Variants in RALYL observed in about 807,000 individuals in gnomAD.
RALYL encodes the protein RALY RNA binding protein like.
RALYL carries 29 observed loss-of-function variants against 35.1 expected under a neutral mutation model. The ratio of observed to expected loss-of-function variants is 0.83; its 90% CI spans 0.61 to 1.13. The LOEUF (loss-of-function observed/expected upper bound fraction) is 1.13, where lower values mean the gene tolerates loss of function less well. Ranked by LOEUF, RALYL falls within the 50% of genes most tolerant of loss-of-function variation. The pLI is 0.00. For missense variants in RALYL, 359 were observed against 360.4 expected, an observed-to-expected ratio of 1.00 and a Z score of 0.03; for synonymous variants, 120 against 127.6, an observed-to-expected ratio of 0.94 and a Z score of 0.40.
chr8:84,716,037 A>G (rs1482088599), intron 2 of RALYL, among the ~76,000 whole-genome samples: 1 of 152,110 alleles, frequency 6.6e-6, no homozygotes, highest in Admixed American at 6.6e-5. Flanking sequence ...TATCATTGGA[A>G]AATGTTATAT....
intron 2 of RALYL, among the ~76,000 whole-genome samples, chr8:84,689,348 G>C (rs1230036224): frequency 2.0e-5 from 3 of 151,938 alleles, no homozygotes; most frequent in Non-Finnish European, 4.4e-5. Context: ...TTGTTCTTGC[G>C]ATAGTTTACT....
chr8:84,474,564 C>T (rs974193166), intron 1 of RALYL, among the ~76,000 whole-genome samples: 3 of 151,928 alleles, frequency 2.0e-5, no homozygotes, highest in South Asian at 2.1e-4. Context: ...ATAAATTCCT[C>T]GATGGAACTT....
chr8:84,361,923 C>G (rs1027003730), intron 1 of RALYL, among the ~76,000 whole-genome samples: 1 of 152,146 alleles, frequency 6.6e-6, no homozygotes, highest in Non-Finnish European at 1.5e-5. Context: ...TTTTCACATG[C>G]TGGCTGTGAG....
intron 1 of RALYL, among the ~76,000 whole-genome samples, chr8:84,251,479 T>A (rs1228754695): frequency 6.7e-6 from 1 of 148,884 alleles, no homozygotes; most frequent in African/African-American, 2.5e-5. Context: ...CAAACTGTTA[T>A]TTTTTTTTTG....
rs189148904 is a variant in RALYL, at chr8:84,540,592, C to A, written c.256+11015C>A. 5.2e-3 allele frequency among the ~76,000 whole-genome samples: 794 copies of A among 151,576 alleles called. 3 individuals carry two copies. The highest frequency in any genetic ancestry group is 0.017 in the African/African-American group (704 of 41,390). On this transcript the variant is annotated intron_variant, in intron 2 of 8. Transcript: ENST00000521268. ...GTTGTCTTGTGTGTTTTTTTTTAACCTCTATGTTCATGATAAACTATTGGC... is the reference window on the plus strand; with the variant it reads ...GTTGTCTTGTGTGTTTTTTTTTAACATCTATGTTCATGATAAACTATTGGC...
intron 1 of RALYL, among the ~76,000 whole-genome samples, chr8:84,205,206 A>G (rs1308305207): frequency 6.6e-6 from 1 of 152,230 alleles, no homozygotes; most frequent in African/African-American, 2.4e-5. Flanking sequence ...ACCCATGGCC[A>G]CAGGTACTGT....
intron 1 of RALYL, among the ~76,000 whole-genome samples, chr8:84,316,493 C>G (rs980939273): frequency 1.3e-5 from 2 of 152,052 alleles, no homozygotes. Context: ...GGAAAAGGTA[C>G]TTTTCTTTGT....
intron 1 of RALYL, among the ~76,000 whole-genome samples, chr8:84,506,903 G>A (rs2127218): frequency 0.36 from 54,655 of 151,772 alleles, 10,032 homozygotes; most frequent in South Asian, 0.51. Flanking sequence ...GGTAATGAAA[G>A]TTTTTACATC....
At chr8:84,838,694 G>GAACA (rs1485111919) in intron 4 of RALYL, among the ~76,000 whole-genome samples, 1 of 151,698 alleles carries the variant, frequency 6.6e-6, no homozygotes, top group Non-Finnish European at 1.5e-5. Context: ...AGTCAGGATT[G>GAACA]AACAAAAAAA....
At chr8:84,801,391 T>C (rs1823226115) in intron 3 of RALYL, among the ~76,000 whole-genome samples, 1 of 152,150 alleles carries the variant, frequency 6.6e-6, no homozygotes, top group Admixed American at 6.5e-5. Flanking sequence ...CACAAAACTG[T>C]TGGAAGTCTC....
At chr8:84,722,329 A>C (rs749279426) in intron 2 of RALYL, among the ~76,000 whole-genome samples, 1 of 151,994 alleles carries the variant, frequency 6.6e-6, no homozygotes, top group Non-Finnish European at 1.5e-5. Context: ...TAATTCAAAG[A>C]ACTGAAGACA....
At chr8:84,871,568 G>A (rs1032886832) in intron 6 of RALYL, among the ~76,000 whole-genome samples, 1 of 152,164 alleles carries the variant, frequency 6.6e-6, no homozygotes, top group Non-Finnish European at 1.5e-5. Flanking sequence ...AATTGTGACA[G>A]ATGATGTTTT....
At chr8:84,724,920 G>A (rs1844654338) in intron 2 of RALYL, among the ~76,000 whole-genome samples, 1 of 151,318 alleles carries the variant, frequency 6.6e-6, no homozygotes, top group Admixed American at 6.6e-5. Flanking sequence ...GTTCATCATG[G>A]AAGTAATAAG....
intron 1 of RALYL, among the ~76,000 whole-genome samples, chr8:84,480,839 G>A (rs1173838318): frequency 6.6e-6 from 1 of 152,020 alleles, no homozygotes; most frequent in Non-Finnish European, 1.5e-5. Flanking sequence ...AATAATATTT[G>A]TTGTAATTAA....
At chr8:84,826,060 A>T (rs1456506251) in intron 4 of RALYL, among the ~76,000 whole-genome samples, 4 of 152,082 alleles carry the variant, frequency 2.6e-5, no homozygotes, top group Non-Finnish European at 4.4e-5. Flanking sequence ...GAACAAAAAA[A>T]ATATATTGAA....
intron 7 of RALYL, among the ~76,000 whole-genome samples, chr8:84,886,591 G>T (rs943069734): frequency 6.6e-6 from 1 of 152,082 alleles, no homozygotes; most frequent in African/African-American, 2.4e-5. Context: ...GAACACATGG[G>T]AATAAGTTAG....
intron 2 of RALYL, among the ~76,000 whole-genome samples, chr8:84,670,177 G>A (rs1409292771): frequency 6.6e-6 from 1 of 150,538 alleles, no homozygotes; most frequent in African/African-American, 2.4e-5. Flanking sequence ...CACTGATAAT[G>A]GGATCCTGGT....
At chr8:84,267,760 A>T (rs1356315162) in intron 1 of RALYL, among the ~76,000 whole-genome samples, 1 of 152,232 alleles carries the variant, frequency 6.6e-6, no homozygotes, top group African/African-American at 2.4e-5. Context: ...CCAATACCTT[A>T]TAAAATCCTT....
intron 8 of RALYL, among the ~76,000 whole-genome samples, chr8:84,896,717 C>A (rs993348320): frequency 6.6e-6 from 1 of 152,122 alleles, no homozygotes; most frequent in African/African-American, 2.4e-5. Flanking sequence ...GAACAGAGGG[C>A]AAATTATAAA....
Sources: allele counts gnomAD v4.1 joint callset (sites outside exome capture counted in the v4.1 genomes callset), GRCh38; gene constraint gnomAD v4.1.1; transcripts MANE v1.5; gene names NCBI Gene and HGNC (gene_info 2026-07-23, HGNC 2026-07-21).